The following DST variants were observed in gnomAD, a reference collection of about 807,000 sequenced individuals.
The protein encoded by DST is dystonin.
A neutral mutation model predicts 875.2 loss-of-function variants in DST; 253 were observed. The ratio of observed to expected loss-of-function variants is 0.29; its 90% CI spans 0.26 to 0.32. DST has a LOEUF of 0.32. Among genes scored for constraint, DST ranks in the 10% least tolerant of loss-of-function variants. The pLI is 1.00. For missense variants in DST, 8,287 were observed against 9,111.6 expected, an observed-to-expected ratio of 0.91 and a Z score of 3.68; for synonymous variants, 3,124 against 3,197.1, an observed-to-expected ratio of 0.98 and a Z score of 0.77.
chr6:56,535,351 G>A, intron 62 of DST, 59 bp from the exon 63 acceptor site: 1 of 1,489,184 alleles, frequency 6.7e-7, no homozygotes, highest in East Asian at 2.5e-5. Flanking sequence ...TGCAATCTGA[G>A]CACAAATCAC....
chr6:56,581,246 C>A (rs943317044), intron 49 of DST, among the ~76,000 whole-genome samples: 5 of 151,672 alleles, frequency 3.3e-5, no homozygotes, highest in Admixed American at 2.6e-4. Flanking sequence ...CAATGTGACT[C>A]CTAAACAAGA....
chr6:56,812,624 T>G (rs2099761752), intron 4 of DST, among the ~76,000 whole-genome samples: 1 of 152,232 alleles, frequency 6.6e-6, no homozygotes, highest in Non-Finnish European at 1.5e-5. Context: ...ATGTGGGACA[T>G]TATTGAAAAT....
intron 2 of DST, among the ~76,000 whole-genome samples, chr6:56,936,285 A>C (rs992047491): frequency 6.6e-6 from 1 of 152,256 alleles, no homozygotes; most frequent in African/African-American, 2.4e-5. Flanking sequence ...ACTGAATAGA[A>C]TGCATTGAGC....
Position 56,607,594 on chromosome 6 carries a change from G to A in DST, c.7034C>T (p.Ser2345Leu). 6.2e-7 allele frequency: 1 copy of A among 1,612,934 alleles called. No homozygotes were observed. The highest frequency in any genetic ancestry group is 8.5e-7 in the Non-Finnish European group (1 of 1,179,444). The change falls in exon 40 of 104, where the codon TCA becomes TTA. Residue 2345 changes from serine to leucine, a missense_variant. Transcript: ENST00000680361. ...TGCAAGTTCAGTCTGTGTTAAATAT[G>A]ATATGAGACTGGGAACACACACACT... ...SPSVCVPSLI[S>L]YLTQTELADI...
chr6:56,902,580 G>A (rs1183390468), intron 2 of DST, among the ~76,000 whole-genome samples: 4 of 152,244 alleles, frequency 2.6e-5, no homozygotes, highest in African/African-American at 9.6e-5. Flanking sequence ...AATCGGTAAG[G>A]AGAAAATGCA....
chr6:56,654,466 T>TA (rs1057251908), intron 10 of DST, among the ~76,000 whole-genome samples: 1 of 151,988 alleles, frequency 6.6e-6, no homozygotes, highest in African/African-American at 2.4e-5. Context: ...TGAATTTGTT[T>TA]AAAAATATAG....
At chr6:56,888,565 T>C (rs1290418735) in intron 3 of DST, among the ~76,000 whole-genome samples, 1 of 151,994 alleles carries the variant, frequency 6.6e-6, no homozygotes, top group Non-Finnish European at 1.5e-5. Flanking sequence ...GTCCTACATA[T>C]TTGAAAAGGA....
intron 36 of DST, chr6:56,619,438 T>C: frequency 6.2e-7 from 1 of 1,612,268 alleles, no homozygotes; most frequent in Non-Finnish European, 8.5e-7. Flanking sequence ...TCTCAAATTG[T>C]TCTTTTAGAT....
intron 5 of DST, among the ~76,000 whole-genome samples, chr6:56,713,962 T>C (rs979437534): frequency 1.3e-5 from 2 of 152,198 alleles, no homozygotes; most frequent in East Asian, 1.9e-4. Flanking sequence ...TCATTAAACC[T>C]TTGAAATAAC....
chr6:56,881,822 G>A (rs895068039), intron 3 of DST, among the ~76,000 whole-genome samples: 8 of 152,128 alleles, frequency 5.3e-5, no homozygotes, highest in Non-Finnish European at 1.0e-4. Flanking sequence ...ATCAGTGGAA[G>A]AATTCAAGCC....
chr6:56,842,994 G>T, intron 4 of DST: 1 of 1,323,636 alleles, frequency 7.6e-7, no homozygotes, highest in Non-Finnish European at 9.8e-7. Flanking sequence ...ATTAAGGAAA[G>T]GCAGCGGTTG....
Position 56,573,809 on chromosome 6 carries a change from C to T in DST, c.13106G>A (p.Arg4369His), listed in dbSNP as rs531488467. The T allele has an allele frequency of 1.4e-5, 22 of 1,613,460 alleles. No homozygotes were observed. The highest frequency in any genetic ancestry group is 2.2e-5 in the East Asian group (1 of 44,844). Reference protein sequence around the residue: ...RNEKLQITLTRSLSVQDGLDE... With the variant: ...RNEKLQITLTHSLSVQDGLDE... ...CAAGCCATCCTGCACACTCAGTGAACGGGTCAAGGTTATCTGGAGTTTTTC... is the reference window on the plus strand; with the variant it reads ...CAAGCCATCCTGCACACTCAGTGAATGGGTCAAGGTTATCTGGAGTTTTTC... Residue 4369 changes from arginine to histidine, a missense_variant, in exon 51 of 104, where the codon CGT becomes CAT. Arg to His is a conservative substitution (Grantham distance 29). Coordinates refer to ENST00000680361, the MANE Select transcript of DST (RefSeq NM_001374736.1).
intron 49 of DST, among the ~76,000 whole-genome samples, chr6:56,583,032 T>C (rs2152655042): frequency 6.6e-6 from 1 of 152,338 alleles, no homozygotes; most frequent in East Asian, 1.9e-4. Flanking sequence ...TCTTTGCTAT[T>C]GTGAATAGTG....
Position 56,608,270 on chromosome 6 carries a change from C to T in DST, c.6358G>A (p.Gly2120Ser). Residue 2120 changes from glycine (G) to serine (S), a missense_variant, in exon 40 of 104, where the codon GGT becomes AGT. Transcript: ENST00000680361. Reference sequence around the variant, plus strand: ...CCTAGCTGTTTAGCAGCATCCAAACCAATGACTTGAGAACTTTCTGGAATA... The same window carrying T: ...CCTAGCTGTTTAGCAGCATCCAAACTAATGACTTGAGAACTTTCTGGAATA... Reference protein sequence around the residue: ...LYIPESSQVIGLDAAKQLGII... With the variant: ...LYIPESSQVISLDAAKQLGII... The T allele has an allele frequency of 6.2e-7, 1 of 1,613,630 alleles. No individual in the cohort carries two copies. The highest frequency in any genetic ancestry group is 8.5e-7 in the Non-Finnish European group (1 of 1,179,764).
Position 56,711,557 on chromosome 6 carries a change from A to T in DST, c.688-7188T>A, listed in dbSNP as rs1320847623. ...GCTGTACAGATCTTGGTGTGGGGTA[A>T]TTATAATGTAATGTAACTGAAAGGG... On this transcript the variant is annotated intron_variant, in intron 5 of 103. Coordinates refer to ENST00000680361, the MANE Select transcript of DST (RefSeq NM_001374736.1). 2.0e-5 allele frequency among the ~76,000 whole-genome samples: 3 copies of T among 152,112 alleles called. No homozygotes were observed. The East Asian group carries it at 5.8e-4, about 29-fold the overall frequency.
chr6:56,754,269 T>C (rs1194746777), intron 4 of DST, among the ~76,000 whole-genome samples: 1 of 152,220 alleles, frequency 6.6e-6, no homozygotes, highest in Non-Finnish European at 1.5e-5. Context: ...GATGCTAACC[T>C]TTTAAAAAGT....
chr6:56,607,136 T>C lies in DST; in HGVS notation c.7492A>G (p.Ile2498Val), dbSNP rs1331661750. Reference sequence around the variant, plus strand: ...CCATACTGCTCTCCTGGTAAACTGATGTTAATAGCTGCAATTCCCAGAAAC... The same window carrying C: ...CCATACTGCTCTCCTGGTAAACTGACGTTAATAGCTGCAATTCCCAGAAAC... Reference protein sequence around the residue: ...DQFLGIAAINISLPGEQYGQK... With the variant: ...DQFLGIAAINVSLPGEQYGQK... Residue 2498 changes from isoleucine (I) to valine (V), a missense_variant, in exon 40 of 104, where the codon ATC becomes GTC. By Grantham distance (29) the Ile-to-Val change is conservative (BLOSUM62 3). This residue lies in a region of DST where 3,138 missense variants were observed against 3,116.6 expected (regional missense o/e 1.01). Coordinates refer to ENST00000680361, the MANE Select transcript of DST (RefSeq NM_001374736.1). 25 of 1,613,432 alleles carry C rather than the reference T, an allele frequency of 1.5e-5. No individual in the cohort carries two copies. Among genetic ancestry groups the C allele is most frequent in the South Asian group, 3.3e-5 (3 of 91,074 alleles).
chr6:56,777,127 G>A (rs1590074178), intron 4 of DST, among the ~76,000 whole-genome samples: 1 of 151,982 alleles, frequency 6.6e-6, no homozygotes, highest in Non-Finnish European at 1.5e-5. Flanking sequence ...TCTTTACTTG[G>A]CAGTGGCTCC....
rs188396433 is a variant in DST at position 56,719,700 on chromosome 6, G to A, written c.688-15331C>T. Among the ~76,000 whole-genome samples, 1,435 of 152,250 alleles carry A rather than the reference G, an allele frequency of 9.4e-3. 16 individuals carry two copies. The highest frequency in any genetic ancestry group is 0.032 in the African/African-American group (1,335 of 41,540). The stretch of plus-strand genomic sequence containing the variant: ...TTTCTATTTTCCCTAAGCGTCAGCC[G>A]GTTTGAGAAATAAAGGGACAGAGTA... On this transcript the variant is annotated intron_variant, in intron 5 of 103. Transcript: ENST00000680361.
Sources: allele counts gnomAD v4.1 joint callset (sites outside exome capture counted in the v4.1 genomes callset), GRCh38; gene constraint gnomAD v4.1.1; regional missense constraint gnomAD v4.1.1; transcripts MANE v1.5; gene names NCBI Gene and HGNC (gene_info 2026-07-23, HGNC 2026-07-21).